ROBO2: variants seen among roughly 807,000 people sequenced by gnomAD.
ROBO2 encodes roundabout guidance receptor 2.
In ROBO2, 53 loss-of-function variants were observed where a neutral mutation model predicts 160.8. The observed-to-expected ratio is 0.33, with a 90% CI of 0.26 to 0.41. The LOEUF (loss-of-function observed/expected upper bound fraction) is 0.41. ROBO2 is among the 10% of genes least tolerant of loss of function. The pLI is 1.00. For missense variants in ROBO2, 1,577 were observed against 1,722.4 expected, an observed-to-expected ratio of 0.92 and a Z score of 1.49; for synonymous variants, 664 against 611.7, an observed-to-expected ratio of 1.09 and a Z score of -1.26.
chr3:76,837,894 T>C (rs2067854975), intron 2 of ROBO2, among the ~76,000 whole-genome samples: 1 of 152,092 alleles, frequency 6.6e-6, no homozygotes, highest in South Asian at 2.1e-4. Flanking sequence ...CACTGGAAGA[T>C]AAAATTGAAT....
At chr3:76,745,881 G>A (rs1345906675) in intron 2 of ROBO2, among the ~76,000 whole-genome samples, 2 of 149,290 alleles carry the variant, frequency 1.3e-5, no homozygotes, top group Non-Finnish European at 3.0e-5. Context: ...TGTGCACAAT[G>A]TGCAGGTTAG....
intron 2 of ROBO2, among the ~76,000 whole-genome samples, chr3:77,355,534 GGTGCTGAGATGCGGATTCA>G (rs1560607532): frequency 6.6e-6 from 1 of 152,110 alleles, no homozygotes; most frequent in Non-Finnish European, 1.5e-5. Flanking sequence ...ACAGCAGGAA[GGTGCTGAGATGCGGATTCA>G]GGAAATATGG....
chr3:77,273,680 A>T (rs1324874431), intron 2 of ROBO2, among the ~76,000 whole-genome samples: 1 of 152,214 alleles, frequency 6.6e-6, no homozygotes, highest in East Asian at 1.9e-4. Flanking sequence ...AAAAGAAGAC[A>T]GACTCAAATG....
Position 75,924,575 on chromosome 3 carries a change from T to G in ROBO2, c.-13-12906T>G, listed in dbSNP as rs956351285. ...TTAAGCCTCTGAGTTTGTGTTAATT[T>G]ATTATGAGCAGTAAGAAACACAGTA... On this transcript the variant is annotated intron_variant, in intron 1 of 26. Transcript: ENST00000487694. 2.6e-5 allele frequency among the ~76,000 whole-genome samples: 4 copies of G among 152,248 alleles called. No individual in the cohort carries two copies. In the East Asian group the frequency reaches 7.7e-4, roughly 29 times the overall value.
intron 2 of ROBO2, among the ~76,000 whole-genome samples, chr3:77,304,109 G>T (rs1416679412): frequency 6.6e-6 from 1 of 152,070 alleles, no homozygotes; most frequent in African/African-American, 2.4e-5. Context: ...GACATATGCC[G>T]CTAGTGTCCA....
intron 2 of ROBO2, among the ~76,000 whole-genome samples, chr3:76,923,537 C>T (rs982144592): frequency 2.0e-5 from 3 of 152,170 alleles, no homozygotes; most frequent in Non-Finnish European, 4.4e-5. Context: ...GATGTGACCA[C>T]ACCAAGAAAA....
chr3:76,373,712 C>T (rs2076212234), intron 2 of ROBO2, among the ~76,000 whole-genome samples: 1 of 151,900 alleles, frequency 6.6e-6, no homozygotes, highest in South Asian at 2.1e-4. Flanking sequence ...ATTGCATCAG[C>T]TGGTTTATGA....
At chr3:77,276,363 G>GT (rs1444611379) in intron 2 of ROBO2, among the ~76,000 whole-genome samples, 1 of 152,002 alleles carries the variant, frequency 6.6e-6, no homozygotes, top group Admixed American at 6.6e-5. Flanking sequence ...CAGATAAACT[G>GT]TACATCTGTT....
intron 2 of ROBO2, among the ~76,000 whole-genome samples, chr3:76,418,583 A>T (rs1313968792): frequency 6.6e-6 from 1 of 151,994 alleles, no homozygotes; most frequent in Non-Finnish European, 1.5e-5. Context: ...GCCCAATAAA[A>T]GTCTCCTTGT....
chr3:77,617,494 T>G lies in ROBO2; in HGVS notation c.3294-19T>G. 1 of 1,614,006 alleles carries G rather than the reference T, an allele frequency of 6.2e-7. No individual in the cohort carries two copies. Among genetic ancestry groups the G allele is most frequent in the South Asian group, 1.1e-5 (1 of 91,062 alleles). On this transcript the variant is annotated intron_variant, in intron 21 of 25. Transcript: ENST00000461745. Reference sequence around the variant, plus strand: ...TATGTATTTGTGTCAATGTGCATATTTTTCTCATTTAATTTCAGCTATGAC... The same window carrying G: ...TATGTATTTGTGTCAATGTGCATATGTTTCTCATTTAATTTCAGCTATGAC...
chr3:77,531,135 G>C (rs896109737), intron 6 of ROBO2, among the ~76,000 whole-genome samples: 2 of 151,900 alleles, frequency 1.3e-5, no homozygotes, highest in Admixed American at 1.3e-4. Context: ...TGATTGCCTG[G>C]AGTATAAAAC....
chr3:76,203,247 T>C (rs1358584926), intron 2 of ROBO2, among the ~76,000 whole-genome samples: 1 of 152,188 alleles, frequency 6.6e-6, no homozygotes, highest in Non-Finnish European at 1.5e-5. Flanking sequence ...CCAGTTGGTT[T>C]GGCCAATGGA....
intron 2 of ROBO2, among the ~76,000 whole-genome samples, chr3:76,059,685 T>C (rs922725813): frequency 2.0e-5 from 3 of 152,242 alleles, no homozygotes; most frequent in East Asian, 1.9e-4. Context: ...TTGGCTTTTG[T>C]TGCCATTGCT....
intron 2 of ROBO2, among the ~76,000 whole-genome samples, chr3:77,319,584 C>A (rs1055048832): frequency 1.3e-5 from 2 of 152,178 alleles, no homozygotes; most frequent in Admixed American, 1.3e-4. Context: ...ATGAGTAAGA[C>A]AGCTTCAATT....
chr3:76,110,991 G>C (rs1157565050), intron 2 of ROBO2, among the ~76,000 whole-genome samples: 1 of 151,810 alleles, frequency 6.6e-6, no homozygotes, highest in African/African-American at 2.4e-5. Flanking sequence ...CAAAATTTTG[G>C]CCTGCCTAGT....
At chr3:77,009,886 C>T (rs1292450929) in intron 2 of ROBO2, among the ~76,000 whole-genome samples, 1 of 139,414 alleles carries the variant, frequency 7.2e-6, no homozygotes, top group Non-Finnish European at 1.5e-5. Context: ...GTGGAGGTTG[C>T]AGTGAGCTGA....
At chr3:76,151,546 T>A (rs1448267594) in intron 2 of ROBO2, among the ~76,000 whole-genome samples, 2 of 152,146 alleles carry the variant, frequency 1.3e-5, no homozygotes, top group Admixed American at 6.6e-5. Flanking sequence ...ACATATCAAT[T>A]TCCTGAGCAG....
chr3:77,009,012 T>C (rs1000542737), intron 2 of ROBO2, among the ~76,000 whole-genome samples: 6 of 152,248 alleles, frequency 3.9e-5, no homozygotes, highest in African/African-American at 1.4e-4. Flanking sequence ...GATATTATAA[T>C]GAAATCAACA....
intron 2 of ROBO2, among the ~76,000 whole-genome samples, chr3:76,609,522 C>T (rs1428271222): frequency 6.6e-6 from 1 of 151,356 alleles, no homozygotes; most frequent in Non-Finnish European, 1.5e-5. Context: ...TTTCAGATTG[C>T]TCACTGTTGG....
Sources: gnomAD v4.1 joint callset for allele counts (sites outside exome capture counted in the v4.1 genomes callset) on GRCh38, gnomAD v4.1.1 for gene constraint, MANE v1.5 for transcripts, NCBI Gene and HGNC (gene_info 2026-07-23, HGNC 2026-07-21) for gene names.